Variants in ARID5B observed in about 807,000 individuals in gnomAD.
ARID5B encodes the protein AT-rich interaction domain 5B.
Under a neutral mutation model 97.2 loss-of-function variants are expected in ARID5B, and 13 were observed. The ratio of observed to expected loss-of-function variants is 0.13; its 90% CI spans 0.09 to 0.21. The LOEUF (loss-of-function observed/expected upper bound fraction) is 0.21, where lower values mean the gene tolerates loss of function less well. Ranked by LOEUF, ARID5B falls within the 10% of genes least tolerant of loss-of-function variation. The probability of loss-of-function intolerance (pLI) is 1.00; values close to 1 mark genes in which losing one functional copy is unlikely to be tolerated. For synonymous variants in ARID5B, 556 were observed against 570.3 expected (o/e 0.97, Z 0.36); for missense variants, 1,210 against 1,465.3 (o/e 0.83, Z 2.84).
At chr10:61,920,990 G>A (rs188583777) in intron 2 of ARID5B, among the ~76,000 whole-genome samples, 70 of 152,320 alleles carry the variant, frequency 4.6e-4, no homozygotes, top group African/African-American at 1.5e-3. Context: ...CATACAGGCA[G>A]TTGATTTAGG....
intron 3 of ARID5B, among the ~76,000 whole-genome samples, chr10:61,942,993 C>T (rs909019580): frequency 1.3e-5 from 2 of 152,030 alleles, no homozygotes; most frequent in Non-Finnish European, 2.9e-5. Flanking sequence ...GTAAAATACC[C>T]CTTTAAGGAT....
intron 3 of ARID5B, among the ~76,000 whole-genome samples, chr10:61,980,887 A>G (rs1174558476): frequency 6.6e-6 from 1 of 152,086 alleles, no homozygotes; most frequent in African/African-American, 2.4e-5. Flanking sequence ...CCCAAATATC[A>G]TCACTCACCC....
intron 4 of ARID5B, among the ~76,000 whole-genome samples, chr10:62,037,092 T>G (rs1361528495): frequency 6.6e-6 from 1 of 152,182 alleles, no homozygotes; most frequent in Admixed American, 6.5e-5. Flanking sequence ...AGCCCTTGAA[T>G]CTAGACTCTA....
chr10:62,011,099 C>G (rs1818120075), intron 4 of ARID5B, among the ~76,000 whole-genome samples: 1 of 152,210 alleles, frequency 6.6e-6, no homozygotes, highest in African/African-American at 2.4e-5. Context: ...ATATGATTGA[C>G]AGTTGAGGCC....
intron 9 of ARID5B, among the ~76,000 whole-genome samples, chr10:62,089,134 C>T (rs2132982246): frequency 6.6e-6 from 1 of 152,248 alleles, no homozygotes; most frequent in South Asian, 2.1e-4. Flanking sequence ...TTGCCTTTTT[C>T]CCTTGCCATA....
At chr10:61,983,782 G>C (rs1589245851) in intron 3 of ARID5B, among the ~76,000 whole-genome samples, 1 of 151,374 alleles carries the variant, frequency 6.6e-6, no homozygotes, top group African/African-American at 2.4e-5. Flanking sequence ...TATTTAAATG[G>C]TAGACTATGT....
intron 2 of ARID5B, among the ~76,000 whole-genome samples, chr10:61,929,746 A>G (rs1191409429): frequency 6.6e-6 from 1 of 152,140 alleles, no homozygotes; most frequent in Non-Finnish European, 1.5e-5. Context: ...CATCACTAAT[A>G]CTCATATCCT....
chr10:61,909,904 A>G (rs1202601488), intron 2 of ARID5B, among the ~76,000 whole-genome samples: 4 of 152,248 alleles, frequency 2.6e-5, no homozygotes. Flanking sequence ...GACTGGAGGC[A>G]GCATCTCTGT....
intron 4 of ARID5B, among the ~76,000 whole-genome samples, chr10:62,037,615 A>C (rs1839582571): frequency 6.6e-6 from 1 of 152,344 alleles, no homozygotes; most frequent in African/African-American, 2.4e-5. Flanking sequence ...CCCTGTGCTT[A>C]AAAGCCTGTG....
At chr10:61,968,482 A>G (rs1379007629) in intron 3 of ARID5B, among the ~76,000 whole-genome samples, 1 of 151,284 alleles carries the variant, frequency 6.6e-6, no homozygotes, top group Non-Finnish European at 1.5e-5. Context: ...GGTTCTTCCA[A>G]CCCTGTAACA....
In ARID5B at chr10:62,078,252, G is replaced by A. The variant is rs146731558; in HGVS notation, c.1200-7450G>A. On this transcript the variant is annotated intron_variant, in intron 8 of 9. Transcript: ENST00000279873. ...CCCTGTAATCCCAGCACTTTGGGAG[G>A]CCGAGGTGGGTGGATTGCTTGTACC... Among the ~76,000 whole-genome samples the A allele has an allele frequency of 3.4e-3, 518 of 152,344 alleles. 4 individuals are homozygous for A. Among genetic ancestry groups the A allele is most frequent in the Non-Finnish European group, 5.4e-3 (365 of 68,032 alleles).
Position 62,050,874 on chromosome 10 carries a change from C to T in ARID5B, c.734-14C>T. ...AGTGAAAATGTATATCAATTGTTTT[C>T]CATTTGTTTTCAGCGCCAAATCTTA... On this transcript the variant is annotated splice_polypyrimidine_tract_variant and intron_variant, in intron 4 of 9. Coordinates refer to ENST00000279873, the MANE Select transcript of ARID5B (RefSeq NM_032199.3). The T allele has an allele frequency of 6.2e-7, 1 of 1,605,460 alleles. No homozygotes were observed. The highest frequency in any genetic ancestry group is 1.3e-5 in the African/African-American group (1 of 74,644).
intron 5 of ARID5B, among the ~76,000 whole-genome samples, chr10:62,054,608 T>C (rs1564638200): frequency 6.6e-6 from 1 of 152,150 alleles, no homozygotes; most frequent in Non-Finnish European, 1.5e-5. Context: ...CCCCTCTGTG[T>C]CTTCTTTCTG....
intron 2 of ARID5B, among the ~76,000 whole-genome samples, chr10:61,909,881 A>G (rs1564598329): frequency 6.6e-6 from 1 of 152,214 alleles, no homozygotes; most frequent in East Asian, 1.9e-4. Flanking sequence ...ACAAGCAAAT[A>G]TTTGAAAGAT....
chr10:62,012,032 C>T (rs1195804504), intron 4 of ARID5B, among the ~76,000 whole-genome samples: 1 of 152,048 alleles, frequency 6.6e-6, no homozygotes, highest in East Asian at 1.9e-4. Flanking sequence ...GTAAAAACAG[C>T]TTATATGTTT....
intron 2 of ARID5B, among the ~76,000 whole-genome samples, chr10:61,907,411 G>C (rs114248789): frequency 0.3 from 44,909 of 151,746 alleles, 7,139 homozygotes; most frequent in Non-Finnish European, 0.36. Flanking sequence ...GACCACACTG[G>C]CCTTAGACAA....
At chr10:61,969,005 A>G (rs1838586831) in intron 3 of ARID5B, among the ~76,000 whole-genome samples, 1 of 152,204 alleles carries the variant, frequency 6.6e-6, no homozygotes, top group Non-Finnish European at 1.5e-5. Flanking sequence ...CCTTCCATCC[A>G]CATGAAAAGA....
intron 7 of ARID5B, among the ~76,000 whole-genome samples, chr10:62,067,122 G>C (rs1045422440): frequency 1.5e-4 from 22 of 150,824 alleles, no homozygotes; most frequent in Non-Finnish European, 2.2e-4. Flanking sequence ...TTTTGCTCTT[G>C]TTGCCCAGGC....
chr10:62,007,501 C>T (rs1386539659), intron 4 of ARID5B, among the ~76,000 whole-genome samples: 2 of 152,192 alleles, frequency 1.3e-5, no homozygotes, highest in Non-Finnish European at 2.9e-5. Flanking sequence ...TGTGAGATAA[C>T]TGTGGACCTG....
Sources: allele counts gnomAD v4.1 joint callset (sites outside exome capture counted in the v4.1 genomes callset), GRCh38; gene constraint gnomAD v4.1.1; transcripts MANE v1.5; gene names NCBI Gene and HGNC (gene_info 2026-07-23, HGNC 2026-07-21).